Variants in SLC6A6 observed in about 807,000 individuals in gnomAD.
The protein encoded by SLC6A6 is sodium- and chloride-dependent taurine transporter.
Under a neutral mutation model 68.8 loss-of-function variants are expected in SLC6A6, and 16 were observed. The observed-to-expected ratio is 0.23, with a 90% CI of 0.16 to 0.35. The LOEUF (loss-of-function observed/expected upper bound fraction) is 0.35, where lower values mean the gene tolerates loss of function less well. SLC6A6 is among the 10% of genes least tolerant of loss of function. The probability of loss-of-function intolerance (pLI) is 1.00; values close to 1 mark genes in which losing one functional copy is unlikely to be tolerated. For missense variants in SLC6A6, 474 were observed against 802.8 expected (o/e 0.59, Z 4.95); for synonymous variants, 312 against 315.4 (o/e 0.99, Z 0.12).
In SLC6A6 at chr3:14,477,672, G is replaced by A. The variant is rs1197112758; in HGVS notation, c.1347+330G>A. Among the ~76,000 whole-genome samples, 2 of 152,192 alleles carry A rather than the reference G, an allele frequency of 1.3e-5. No homozygotes were observed. The highest frequency in any genetic ancestry group is 2.4e-5 in the African/African-American group (1 of 41,452). On this transcript the variant is annotated intron_variant, in intron 11 of 14. Transcript: ENST00000622186. This position sits in a 1 kb window ranked among gnomAD's most constrained non-coding sequence, Gnocchi z 4.2. ...GACTGTGTGCCCTTCTCAGGCCTGG[G>A]GGTGGGGTGGAGACATTCTCAAGGG...
At chr3:14,461,574 T>C (rs1380725301) in intron 6 of SLC6A6, among the ~76,000 whole-genome samples, 1 of 152,190 alleles carries the variant, frequency 6.6e-6, no homozygotes, top group Non-Finnish European at 1.5e-5. Flanking sequence ...GGAGTGAGCA[T>C]GGACATTCAC....
intron 2 of SLC6A6, among the ~76,000 whole-genome samples, chr3:14,421,206 G>A (rs1273094901): frequency 6.6e-6 from 1 of 152,186 alleles, no homozygotes; most frequent in Admixed American, 6.5e-5. Context: ...CAGTCTGCCA[G>A]CCTTTCTCAT....
At chr3:14,460,663 G>A (rs1700474006) in intron 6 of SLC6A6, among the ~76,000 whole-genome samples, 1 of 152,264 alleles carries the variant, frequency 6.6e-6, no homozygotes, top group Non-Finnish European at 1.5e-5. Flanking sequence ...GAGGGTGCCA[G>A]GCTGCAGCTG....
rs376586731 is a variant in SLC6A6 at position 14,484,904 on chromosome 3, G to A, written c.1760G>A (p.Arg587His). The A allele has an allele frequency of 7.2e-5, 116 of 1,612,020 alleles. No individual in the cohort carries two copies. The highest frequency in any genetic ancestry group is 5.3e-5 in the Non-Finnish European group (62 of 1,179,984). ...KYLLTPREPN[R>H]WAVEREGATP... ...CTGCTGACCCCAAGGGAACCCAACC[G>A]CTGGGCTGTGGAGCGCGAGGGAGCC... is the stretch of plus-strand genomic sequence containing the variant. Residue 587 changes from arginine to histidine, a missense_variant, in exon 15 of 15, where the codon CGC (arginine) becomes CAC (histidine). Arg to His is a conservative substitution (Grantham distance 29). Transcript: ENST00000622186.
chr3:14,409,129 A>G (rs1699178785), intron 1 of SLC6A6, among the ~76,000 whole-genome samples: 1 of 152,212 alleles, frequency 6.6e-6, no homozygotes, highest in South Asian at 2.1e-4. Flanking sequence ...GTTTTGAACA[A>G]AAATGACATG....
intron 1 of SLC6A6, among the ~76,000 whole-genome samples, chr3:14,415,209 C>T (rs775062713): frequency 3.3e-5 from 5 of 152,238 alleles, no homozygotes; most frequent in Non-Finnish European, 7.3e-5. Context: ...ACAGTAAGTG[C>T]ACCATAAGTT....
At chr3:14,435,589 G>C (rs1431564821) in intron 2 of SLC6A6, among the ~76,000 whole-genome samples, 2 of 152,196 alleles carry the variant, frequency 1.3e-5, no homozygotes, top group Non-Finnish European at 2.9e-5. Flanking sequence ...TGACCTCACC[G>C]GGACAAGCCA....
chr3:14,473,730 C>T (rs1281846806), intron 10 of SLC6A6, among the ~76,000 whole-genome samples: 1 of 152,176 alleles, frequency 6.6e-6, no homozygotes, highest in Non-Finnish European at 1.5e-5. Context: ...AATAAACAAG[C>T]AGGAGGACTC....
At chr3:14,465,862 C>T (rs1356545702) in intron 6 of SLC6A6, among the ~76,000 whole-genome samples, 3 of 152,220 alleles carry the variant, frequency 2.0e-5, no homozygotes, top group Non-Finnish European at 4.4e-5. Flanking sequence ...AATGTCAGTT[C>T]CACGAAGGCA....
At chr3:14,430,847 C>T (rs1377870643) in intron 2 of SLC6A6, among the ~76,000 whole-genome samples, 4 of 152,184 alleles carry the variant, frequency 2.6e-5, no homozygotes, top group Admixed American at 1.3e-4. Context: ...CTGATGGGGC[C>T]GTCTGTGGAG....
chr3:14,418,530 C>T (rs1237265423), intron 2 of SLC6A6, among the ~76,000 whole-genome samples: 2 of 152,292 alleles, frequency 1.3e-5, no homozygotes, highest in East Asian at 3.9e-4. Flanking sequence ...ACCTACTCGA[C>T]GTCAGCCTCC....
chr3:14,404,978 G>A (rs1699073074), intron 1 of SLC6A6, among the ~76,000 whole-genome samples: 1 of 152,232 alleles, frequency 6.6e-6, no homozygotes, highest in African/African-American at 2.4e-5. Context: ...GAGGCCTGGT[G>A]AGCAGTACCC....
intron 4 of SLC6A6, among the ~76,000 whole-genome samples, chr3:14,446,141 A>G (rs1700116126): frequency 6.6e-6 from 1 of 152,242 alleles, no homozygotes. Flanking sequence ...CACTGTTCAC[A>G]GTAGCAAAGA....
At chr3:14,420,180 C>G (rs1172481136) in intron 2 of SLC6A6, among the ~76,000 whole-genome samples, 1 of 152,244 alleles carries the variant, frequency 6.6e-6, no homozygotes, top group Non-Finnish European at 1.5e-5. Context: ...CGCCTGTAAT[C>G]CCAGCAGTTT....
intron 1 of SLC6A6, among the ~76,000 whole-genome samples, chr3:14,404,749 G>A (rs1699067888): frequency 6.6e-6 from 1 of 152,252 alleles, no homozygotes; most frequent in South Asian, 2.1e-4. Flanking sequence ...CTTGTAGTAA[G>A]CTGTAAAGCC....
intron 2 of SLC6A6, among the ~76,000 whole-genome samples, chr3:14,426,651 G>A (rs917142147): frequency 6.6e-6 from 1 of 152,192 alleles, no homozygotes; most frequent in African/African-American, 2.4e-5. Context: ...TAAAGTGCCC[G>A]TCACAGTGCC....
chr3:14,412,073 T>TTTTGTGTTCAG (rs1172881513), intron 1 of SLC6A6, among the ~76,000 whole-genome samples: 1 of 152,246 alleles, frequency 6.6e-6, no homozygotes, highest in East Asian at 1.9e-4. Context: ...GTTTTGTGTT[T>TTTTGTGTTCAG]AAGGGAAATA....
At chr3:14,431,351 C>G (rs1699720120) in intron 2 of SLC6A6, among the ~76,000 whole-genome samples, 1 of 152,218 alleles carries the variant, frequency 6.6e-6, no homozygotes, top group Non-Finnish European at 1.5e-5. Context: ...GAAAAATCCT[C>G]ATCGTGCTGG....
chr3:14,470,526 G>A (rs1700728338), intron 9 of SLC6A6, among the ~76,000 whole-genome samples: 1 of 152,224 alleles, frequency 6.6e-6, no homozygotes, highest in Non-Finnish European at 1.5e-5. Flanking sequence ...TCTCCCAGAG[G>A]CTCGCTTGAG....
Sources: allele counts gnomAD v4.1 joint callset (sites outside exome capture counted in the v4.1 genomes callset), GRCh38; gene constraint gnomAD v4.1.1; non-coding constraint Gnocchi (gnomAD v3.1); transcripts MANE v1.5; gene names NCBI Gene and HGNC (gene_info 2026-07-23, HGNC 2026-07-21).